Variants in ASIC2 observed in about 807,000 individuals in gnomAD.
ASIC2 encodes acid-sensing ion channel 2.
A neutral mutation model predicts 57.3 loss-of-function variants in ASIC2; 25 were observed. The observed-to-expected ratio is 0.44, with a 90% CI of 0.32 to 0.61. The LOEUF is 0.61. Among genes scored for constraint, ASIC2 ranks in the 20% least tolerant of loss-of-function variants. The pLI, the probability that ASIC2 is intolerant of heterozygous loss-of-function variation, is 0.06. For synonymous variants in ASIC2, 319 were observed against 307.5 expected, an observed-to-expected ratio of 1.04 and a Z score of -0.39; for missense variants, 641 against 738.1, an observed-to-expected ratio of 0.87 and a Z score of 1.52.
chr17:33,275,951 T>C (rs978970845), intron 1 of ASIC2, among the ~76,000 whole-genome samples: 1 of 152,120 alleles, frequency 6.6e-6, no homozygotes, highest in Admixed American at 6.5e-5. Context: ...CCTTATCTTG[T>C]AGGCAGCACG....
At chr17:34,076,165 G>A (rs565780220) in intron 1 of ASIC2, among the ~76,000 whole-genome samples, 2 of 152,074 alleles carry the variant, frequency 1.3e-5, no homozygotes, top group East Asian at 3.9e-4. Context: ...ACCATGCCTG[G>A]CTAATTTTTT....
intron 1 of ASIC2, among the ~76,000 whole-genome samples, chr17:33,407,732 C>G (rs1910517680): frequency 6.6e-6 from 1 of 152,186 alleles, no homozygotes. Flanking sequence ...ATGATTTACT[C>G]TAAATAGATT....
intron 1 of ASIC2, among the ~76,000 whole-genome samples, chr17:33,587,512 A>T (rs1368469027): frequency 6.6e-5 from 10 of 152,198 alleles, no homozygotes; most frequent in Non-Finnish European, 1.5e-4. Flanking sequence ...GAGAGCAAAA[A>T]CTGGCTTTCA....
intron 1 of ASIC2, among the ~76,000 whole-genome samples, chr17:33,872,247 C>A (rs1336929723): frequency 6.6e-6 from 1 of 152,094 alleles, no homozygotes; most frequent in African/African-American, 2.4e-5. Flanking sequence ...GGATGACAGA[C>A]CTTACGCCAC....
intron 1 of ASIC2, chr17:33,680,927 C>T (rs915854601): frequency 6.6e-6 from 1 of 152,218 alleles, no homozygotes; most frequent in East Asian, 1.9e-4. Flanking sequence ...ATTGTGCAAG[C>T]TTCAGGCCTC....
chr17:34,116,039 A>T (rs1340197708), intron 1 of ASIC2, among the ~76,000 whole-genome samples: 2 of 152,334 alleles, frequency 1.3e-5, no homozygotes, highest in East Asian at 3.9e-4. Flanking sequence ...ACAGCATGAG[A>T]TTAACACCCA....
At chr17:33,460,275 A>G (rs1912591333) in intron 1 of ASIC2, among the ~76,000 whole-genome samples, 1 of 152,104 alleles carries the variant, frequency 6.6e-6, no homozygotes, top group African/African-American at 2.4e-5. Flanking sequence ...ACACAATTTG[A>G]GCAAATGAGA....
At chr17:33,180,538 C>T (rs1828013638) in intron 1 of ASIC2, among the ~76,000 whole-genome samples, 1 of 152,110 alleles carries the variant, frequency 6.6e-6, no homozygotes, top group African/African-American at 2.4e-5. Flanking sequence ...ACTGAACTCC[C>T]TCCTTACTCT....
intron 1 of ASIC2, among the ~76,000 whole-genome samples, chr17:33,831,110 A>T (rs1913096386): frequency 5.5e-5 from 1 of 18,154 alleles, no homozygotes; most frequent in Non-Finnish European, 1.2e-4. Flanking sequence ...CTCTGTCAAA[A>T]AAAAAAAAAA....
chr17:34,061,653 A>T (rs1413539757), intron 1 of ASIC2, among the ~76,000 whole-genome samples: 1 of 152,214 alleles, frequency 6.6e-6, no homozygotes, highest in African/African-American at 2.4e-5. Flanking sequence ...AAGGACTCAC[A>T]TAAACTTAAA....
chr17:34,088,573 G>T (rs929582106), intron 1 of ASIC2, among the ~76,000 whole-genome samples: 23 of 152,228 alleles, frequency 1.5e-4, no homozygotes, highest in Non-Finnish European at 2.5e-4. Flanking sequence ...AAAGCTGTCA[G>T]ACAGGGACAT....
intron 1 of ASIC2, among the ~76,000 whole-genome samples, chr17:33,198,923 T>C (rs1478347379): frequency 6.6e-6 from 1 of 152,254 alleles, no homozygotes; most frequent in Non-Finnish European, 1.5e-5. Context: ...ACCTGGCTCA[T>C]GATAACAAGC....
At chr17:33,220,427 C>T (rs1279438463) in intron 1 of ASIC2, among the ~76,000 whole-genome samples, 1 of 152,182 alleles carries the variant, frequency 6.6e-6, no homozygotes, top group African/African-American at 2.4e-5. Context: ...CCCCACTTCC[C>T]CATTGACGTG....
chr17:33,508,656 T>C lies in ASIC2; in HGVS notation c.556-396589A>G, dbSNP rs184988390. On this transcript the variant is annotated intron_variant, in intron 1 of 9. Transcript: ENST00000359872. ...AGTCAGGTGGGGTACACAGCACACC[T>C]AAAAGTGGAATGATGTGGCAGGTAG... 3.3e-3 allele frequency among the ~76,000 whole-genome samples: 495 copies of C among 152,286 alleles called. 1 individual carries two copies. The highest frequency in any genetic ancestry group is 6.3e-3 in the Non-Finnish European group (427 of 68,024).
chr17:34,077,102 G>C (rs1193833818), intron 1 of ASIC2, among the ~76,000 whole-genome samples: 4 of 152,172 alleles, frequency 2.6e-5, no homozygotes, highest in African/African-American at 9.7e-5. Context: ...GGAGTACCTG[G>C]GATTCGGATC....
In ASIC2 at chr17:33,301,292, C is replaced by T. The variant is rs569032150; in HGVS notation, c.556-189225G>A. Among the ~76,000 whole-genome samples, 24 of 151,936 alleles carry T rather than the reference C, an allele frequency of 1.6e-4. No homozygotes were observed. The South Asian group carries it at 4.6e-3, about 29-fold the overall frequency. ...CTGAGTTCAAACAATCCTCCTGCCT[C>T]GATCTCCCAAAGTGCTAGGATTGCA... On this transcript the variant is annotated intron_variant, in intron 1 of 9. Transcript: ENST00000359872.
chr17:34,140,318 T>A (rs373426396), intron 1 of ASIC2, among the ~76,000 whole-genome samples: 1 of 152,192 alleles, frequency 6.6e-6, no homozygotes, highest in African/African-American at 2.4e-5. Context: ...AAAGCCAGAG[T>A]GAACCCTGTG....
intron 1 of ASIC2, among the ~76,000 whole-genome samples, chr17:33,530,384 A>C (rs1418376374): frequency 6.6e-6 from 1 of 152,252 alleles, no homozygotes; most frequent in African/African-American, 2.4e-5. Context: ...CTGGAAAAAG[A>C]AAAAGAGAGA....
chr17:33,198,638 A>G (rs1006574560), intron 1 of ASIC2, among the ~76,000 whole-genome samples: 11 of 152,194 alleles, frequency 7.2e-5, no homozygotes, highest in African/African-American at 1.2e-4. Flanking sequence ...CAGCCTGTGT[A>G]GCACCCCCAG....
Sources: allele counts gnomAD v4.1 joint callset (sites outside exome capture counted in the v4.1 genomes callset), GRCh38; gene constraint gnomAD v4.1.1; transcripts MANE v1.5; gene names NCBI Gene and HGNC (gene_info 2026-07-23, HGNC 2026-07-21).